Variants in FRMD4B observed in about 807,000 individuals in gnomAD.
The protein encoded by FRMD4B is FERM domain-containing protein 4B.
Under a neutral mutation model 141.5 loss-of-function variants are expected in FRMD4B, and 74 were observed. The ratio of observed to expected loss-of-function variants is 0.52; its 90% CI spans 0.43 to 0.63. The LOEUF is 0.63. Among genes scored for constraint, FRMD4B ranks in the 30% least tolerant of loss-of-function variants. FRMD4B has a pLI of 0.00. For missense variants in FRMD4B, 1,366 were observed against 1,253.4 expected (o/e 1.09, Z -1.36); for synonymous variants, 506 against 467.9 (o/e 1.08, Z -1.05).
At chr3:69,267,707 C>A (rs558793301) in intron 5 of FRMD4B, among the ~76,000 whole-genome samples, 2 of 148,602 alleles carry the variant, frequency 1.3e-5, no homozygotes, top group Non-Finnish European at 3.0e-5. Context: ...TCTGTCCCCC[C>A]AGTCTATCTC....
At chr3:69,369,567 G>A (rs1272077279) in intron 1 of FRMD4B, among the ~76,000 whole-genome samples, 2 of 151,850 alleles carry the variant, frequency 1.3e-5, no homozygotes. Context: ...ACTCAGAGTT[G>A]GTTTCTGAAG....
chr3:69,239,993 C>A (rs1181750063), intron 7 of FRMD4B, among the ~76,000 whole-genome samples: 2 of 151,664 alleles, frequency 1.3e-5, no homozygotes, highest in Non-Finnish European at 2.9e-5. Flanking sequence ...GCGGAGGTTG[C>A]AGTGAGCCGA....
chr3:69,296,986 T>C (rs1400439865), intron 4 of FRMD4B, among the ~76,000 whole-genome samples: 2 of 152,206 alleles, frequency 1.3e-5, no homozygotes, highest in Non-Finnish European at 1.5e-5. Context: ...TTTTGTAAAA[T>C]ATTTTACAAA....
intron 7 of FRMD4B, among the ~76,000 whole-genome samples, chr3:69,227,337 A>T (rs2093264098): frequency 6.6e-6 from 1 of 152,154 alleles, no homozygotes; most frequent in African/African-American, 2.4e-5. Context: ...GTGGATTAGG[A>T]TCATTTTAAG....
chr3:69,174,531 A>G (rs1169595998), intron 22 of FRMD4B, among the ~76,000 whole-genome samples: 6 of 152,088 alleles, frequency 3.9e-5, no homozygotes, highest in Admixed American at 3.9e-4. Flanking sequence ...TTTATTATAA[A>G]TTTTCTACCA....
intron 1 of FRMD4B, among the ~76,000 whole-genome samples, chr3:69,538,117 C>T (rs184570589): frequency 6.6e-5 from 10 of 152,224 alleles, no homozygotes; most frequent in East Asian, 1.9e-4. Context: ...ACTGTGTAAA[C>T]GAGCAAGTGC....
intron 5 of FRMD4B, among the ~76,000 whole-genome samples, chr3:69,267,682 G>C (rs1313283456): frequency 1.0e-5 from 1 of 96,592 alleles, no homozygotes; most frequent in African/African-American, 3.6e-5. Context: ...GAGAGAGAGA[G>C]AGAGAGAGTG....
chr3:69,284,301 C>G (rs1333491299), intron 5 of FRMD4B, among the ~76,000 whole-genome samples: 1 of 152,178 alleles, frequency 6.6e-6, no homozygotes, highest in Non-Finnish European at 1.5e-5. Context: ...GAGCACTCAT[C>G]ATTCCATGCA....
At chr3:69,206,805 A>G (rs556759215) in intron 11 of FRMD4B, among the ~76,000 whole-genome samples, 2 of 152,058 alleles carry the variant, frequency 1.3e-5, no homozygotes, top group Admixed American at 6.6e-5. Context: ...GAGACAAAGA[A>G]TATAAAGCAC....
intron 1 of FRMD4B, among the ~76,000 whole-genome samples, chr3:69,335,967 C>T (rs1702536187): frequency 6.6e-6 from 1 of 152,134 alleles, no homozygotes. Flanking sequence ...AAGTGATCTG[C>T]CCACCTCAGC....
intron 1 of FRMD4B, among the ~76,000 whole-genome samples, chr3:69,455,515 G>A (rs1000898044): frequency 6.6e-6 from 1 of 152,176 alleles, no homozygotes; most frequent in African/African-American, 2.4e-5. Flanking sequence ...CTTCCCTTCT[G>A]AAGCCAGCGA....
At chr3:69,301,388 C>T (rs913344232) in intron 4 of FRMD4B, among the ~76,000 whole-genome samples, 2 of 151,888 alleles carry the variant, frequency 1.3e-5, no homozygotes, top group African/African-American at 2.4e-5. Flanking sequence ...TGCAGTGGTA[C>T]GATCTTGGCT....
intron 1 of FRMD4B, among the ~76,000 whole-genome samples, chr3:69,384,729 A>C (rs1015837022): frequency 6.6e-6 from 1 of 152,212 alleles, no homozygotes; most frequent in Non-Finnish European, 1.5e-5. Context: ...AAGGGTGACA[A>C]GGGGACGCTG....
chr3:69,309,943 T>A (rs1310801613), intron 3 of FRMD4B, among the ~76,000 whole-genome samples: 1 of 152,214 alleles, frequency 6.6e-6, no homozygotes, highest in African/African-American at 2.4e-5. Context: ...TGTGTGTGCG[T>A]GTTCAATCAC....
intron 1 of FRMD4B, among the ~76,000 whole-genome samples, chr3:69,499,147 C>T (rs778929711): frequency 6.6e-6 from 1 of 152,134 alleles, no homozygotes; most frequent in African/African-American, 2.4e-5. Context: ...ACTTGGCAGA[C>T]TTTACAACAG....
At chr3:69,395,766 C>G (rs1455058840) in intron 2 of FRMD4B, among the ~76,000 whole-genome samples, 4 of 152,162 alleles carry the variant, frequency 2.6e-5, no homozygotes, top group Non-Finnish European at 5.9e-5. Context: ...TGCTACAAGC[C>G]TTGAAACCTA....
chr3:69,314,000 G>T (rs570891391), intron 1 of FRMD4B, among the ~76,000 whole-genome samples: 3 of 147,346 alleles, frequency 2.0e-5, no homozygotes, highest in South Asian at 2.2e-4. Context: ...TTAGCCGGGC[G>T]TGGTAGCGGG....
chr3:69,173,101 A>G (rs944826930), intron 22 of FRMD4B, among the ~76,000 whole-genome samples: 1 of 152,200 alleles, frequency 6.6e-6, no homozygotes, highest in Non-Finnish European at 1.5e-5. Flanking sequence ...TGGAGACACA[A>G]CCATTCTTGG....
chr3:69,249,922 CAACT>C (rs1338258252), intron 6 of FRMD4B, 117 bp downstream of exon 6: 3 of 714,790 alleles, frequency 4.2e-6, no homozygotes, highest in African/African-American at 3.5e-5. Context: ...CATCGGCAAA[CAACT>C]AACTGGCTTA....
Sources: allele counts gnomAD v4.1 joint callset (sites outside exome capture counted in the v4.1 genomes callset), GRCh38; gene constraint gnomAD v4.1.1; transcripts MANE v1.5; gene names NCBI Gene and HGNC (gene_info 2026-07-23, HGNC 2026-07-21).